The following SLCO2A1 variants were observed in gnomAD, a reference collection of about 807,000 sequenced individuals.
The protein encoded by SLCO2A1 is matrin F/G 1.
SLCO2A1 carries 60 observed loss-of-function variants against 71.7 expected under a neutral mutation model. The ratio of observed to expected loss-of-function variants is 0.84; its 90% CI spans 0.68 to 1.04. SLCO2A1 has a LOEUF of 1.04. Among genes scored for constraint, SLCO2A1 ranks in the 50% least tolerant of loss-of-function variants. SLCO2A1 has a pLI of 0.00. For synonymous variants in SLCO2A1, 308 were observed against 326.7 expected, an observed-to-expected ratio of 0.94 and a Z score of 0.62; for missense variants, 745 against 813.4, an observed-to-expected ratio of 0.92 and a Z score of 1.02.
rs1933534072 is a variant in SLCO2A1 at position 133,945,141 on chromosome 3, G to T, written c.1415C>A (p.Ala472Asp). ...GCTCATGTTGATGTTGCTGCAGCCG[G>T]CATGGCAAGGGGAGAGGTACTCGAT... The part of the protein sequence containing the change: ...NGIEYLSPCH[A>D]GCSNINMSSA... Residue 472 changes from alanine to aspartate, a missense_variant, in exon 10 of 14, where the codon GCC (alanine) becomes GAC (aspartate). Physicochemically the swap from Ala to Asp is moderately radical, Grantham distance 126. Coordinates refer to ENST00000310926, the MANE Select transcript of SLCO2A1 (RefSeq NM_005630.3). The T allele has an allele frequency of 1.2e-6, 2 of 1,613,988 alleles. No homozygotes were observed. Among genetic ancestry groups the T allele is most frequent in the Non-Finnish European group, 1.7e-6 (2 of 1,179,908 alleles).
intron 1 of SLCO2A1, among the ~76,000 whole-genome samples, chr3:133,988,292 T>A (rs1238117796): frequency 6.6e-6 from 1 of 152,206 alleles, no homozygotes; most frequent in African/African-American, 2.4e-5. Flanking sequence ...AACTTGGGTC[T>A]CCATAATCCT....
At chr3:133,951,063 TG>T in intron 6 of SLCO2A1, 144 bp downstream of exon 6, 1 of 1,081,874 alleles carries the variant, frequency 9.2e-7, no homozygotes, top group Non-Finnish European at 1.4e-6. Context: ...TTAAAGCCTC[TG>T]GGAAGTCCTG....
In SLCO2A1 at chr3:133,954,988, G is replaced by A; in HGVS notation, c.603C>T (p.Pro201=). The A allele has an allele frequency of 6.2e-7, 1 of 1,614,086 alleles. No individual in the cohort carries two copies. The highest frequency in any genetic ancestry group is 8.5e-7 in the Non-Finnish European group (1 of 1,179,962). ...GISYVDDFSE[P]SNSPLYISIL... ...CACAGATGTACAGGGGCGAGTTGCT[G>A]GGCTCTGAGAAGTCATCCACATAGG... Residue 201 remains proline, a synonymous_variant, in exon 4 of 14, where the codon CCC becomes CCT. Coordinates refer to ENST00000310926, the MANE Select transcript of SLCO2A1 (RefSeq NM_005630.3).
intron 1 of SLCO2A1, among the ~76,000 whole-genome samples, chr3:134,013,142 CA>C (rs1425344517): frequency 1.3e-5 from 2 of 152,204 alleles, no homozygotes; most frequent in African/African-American, 4.8e-5. Context: ...TAAATGCTTA[CA>C]AAGTAGACAC....
Position 133,938,502 on chromosome 3 carries a change from A to G in SLCO2A1, c.1626-9T>C, listed in dbSNP as rs777546261. 1 of 1,613,956 alleles carries G rather than the reference A, an allele frequency of 6.2e-7. No individual in the cohort carries two copies. Among genetic ancestry groups the G allele is most frequent in the Admixed American group, 1.7e-5 (1 of 60,022 alleles). On this transcript the variant is annotated splice_polypyrimidine_tract_variant and intron_variant, in intron 11 of 13. Coordinates refer to ENST00000310926, the MANE Select transcript of SLCO2A1 (RefSeq NM_005630.3). Reference sequence around the variant, plus strand: ...CCTCCTGGTTCACCACACTGAAAAGACAGACAGGAAATCAGCAGTGGGAGG... The same window carrying G: ...CCTCCTGGTTCACCACACTGAAAAGGCAGACAGGAAATCAGCAGTGGGAGG...
chr3:134,027,941 T>G (rs1935732120), intron 1 of SLCO2A1, among the ~76,000 whole-genome samples: 1 of 152,320 alleles, frequency 6.6e-6, no homozygotes, highest in South Asian at 2.1e-4. Context: ...ACTAACAGAA[T>G]CTCATTTTTA....
chr3:133,987,131 G>GCCCCCCC (rs71136502), intron 1 of SLCO2A1, among the ~76,000 whole-genome samples: 3 of 105,032 alleles, frequency 2.9e-5, no homozygotes, highest in African/African-American at 7.8e-5. Flanking sequence ...AAAATTCAAA[G>GCCCCCCC]CCCCCCCCCC....
intron 1 of SLCO2A1, among the ~76,000 whole-genome samples, chr3:134,010,751 C>CAAAAA (rs57260052): frequency 5.6e-4 from 40 of 70,872 alleles, no homozygotes; most frequent in African/African-American, 1.9e-3. Context: ...AGACTCTGTC[C>CAAAAA]AAAAAAAAAA....
intron 1 of SLCO2A1, among the ~76,000 whole-genome samples, chr3:133,981,974 C>CAAA (rs34863339): frequency 1.1e-4 from 12 of 109,792 alleles, no homozygotes; most frequent in African/African-American, 3.5e-4. Flanking sequence ...GACTCCGTCT[C>CAAA]AAAAAAAAAA....
In SLCO2A1 at chr3:133,953,763, T is replaced by C; in HGVS notation, c.626-2A>G. ...ATACAGAGATGGCAAATAAGATGGC[T>C]GGAAAAGGAAGTAAGGGGAAGGAGA... On this transcript the variant is annotated splice_acceptor_variant, in intron 4 of 13. Coordinates refer to ENST00000310926, the MANE Select transcript of SLCO2A1 (RefSeq NM_005630.3). LOFTEE classifies it high-confidence loss of function. The C allele has an allele frequency of 6.2e-7, 1 of 1,613,326 alleles. No individual in the cohort carries two copies. Among genetic ancestry groups the C allele is most frequent in the Non-Finnish European group, 8.5e-7 (1 of 1,179,412 alleles).
chr3:134,012,806 C>T (rs1397417637), intron 1 of SLCO2A1, among the ~76,000 whole-genome samples: 1 of 152,168 alleles, frequency 6.6e-6, no homozygotes, highest in Non-Finnish European at 1.5e-5. Flanking sequence ...CCCTAAGGTT[C>T]ATTTCCACTC....
chr3:133,968,110 T>C (rs1934231813), intron 3 of SLCO2A1, among the ~76,000 whole-genome samples: 1 of 112,384 alleles, frequency 8.9e-6, no homozygotes, highest in Non-Finnish European at 1.8e-5. Flanking sequence ...ACCCCACAAC[T>C]CCACTCACAC....
At chr3:133,987,348 C>T (rs1413844471) in intron 1 of SLCO2A1, among the ~76,000 whole-genome samples, 1 of 151,888 alleles carries the variant, frequency 6.6e-6, no homozygotes, top group Admixed American at 6.6e-5. Flanking sequence ...TCTCTGAAGC[C>T]AGCCGGCTAC....
intron 1 of SLCO2A1, among the ~76,000 whole-genome samples, chr3:134,024,218 T>A (rs1366726507): frequency 6.6e-6 from 1 of 152,182 alleles, no homozygotes; most frequent in Non-Finnish European, 1.5e-5. Flanking sequence ...ACCCTGGCAT[T>A]TCATCAACCA....
At chr3:134,023,226 G>A (rs1935628310) in intron 1 of SLCO2A1, among the ~76,000 whole-genome samples, 1 of 152,072 alleles carries the variant, frequency 6.6e-6, no homozygotes, top group African/African-American at 2.4e-5. Flanking sequence ...TAGTCCCAGG[G>A]GAAAACCCTA....
chr3:133,987,776 G>A (rs1051284750), intron 1 of SLCO2A1, among the ~76,000 whole-genome samples: 3 of 152,244 alleles, frequency 2.0e-5, no homozygotes, highest in East Asian at 1.9e-4. Flanking sequence ...TGTACTGGAA[G>A]AGTCCAGGAG....
At chr3:133,982,666 G>A (rs958026409) in intron 1 of SLCO2A1, among the ~76,000 whole-genome samples, 1 of 151,792 alleles carries the variant, frequency 6.6e-6, no homozygotes, top group African/African-American at 2.4e-5. Context: ...TCTCTTCTTG[G>A]TGTCTCCCAC....
chr3:133,999,581 C>T (rs1046167980), intron 1 of SLCO2A1, among the ~76,000 whole-genome samples: 17 of 152,062 alleles, frequency 1.1e-4, no homozygotes, highest in Non-Finnish European at 5.9e-5. Context: ...ATGGCAGATG[C>T]CAAGGAGAGG....
chr3:134,020,782 G>A (rs750491337), intron 1 of SLCO2A1, among the ~76,000 whole-genome samples: 21 of 151,554 alleles, frequency 1.4e-4, no homozygotes, highest in African/African-American at 2.2e-4. Flanking sequence ...ATCACGCATG[G>A]TGTGCCTTTA....
Sources: gnomAD v4.1 joint callset for allele counts (sites outside exome capture counted in the v4.1 genomes callset) on GRCh38, gnomAD v4.1.1 for gene constraint, MANE v1.5 for transcripts, NCBI Gene and HGNC (gene_info 2026-07-23, HGNC 2026-07-21) for gene names.